MAOA: variants seen among roughly 807,000 people sequenced by gnomAD.
MAOA encodes amine oxidase [flavin-containing] A.
In MAOA, 6 loss-of-function variants were observed where a neutral mutation model predicts 42.0. That is an observed-to-expected ratio of 0.14 (90% CI 0.08 to 0.28). MAOA has a LOEUF of 0.28. Ranked by LOEUF, MAOA falls within the 10% of genes least tolerant of loss-of-function variation. The pLI is 1.00. For synonymous variants in MAOA, 140 were observed against 154.0 expected, an observed-to-expected ratio of 0.91 and a Z score of 0.67; for missense variants, 262 against 422.3, an observed-to-expected ratio of 0.62 and a Z score of 3.33.
chrX:43,681,261 A>G (rs1191598056), intron 1 of MAOA, among the ~76,000 whole-genome samples: 2 of 111,632 alleles, frequency 1.8e-5, no homozygotes, highest in Non-Finnish European at 3.8e-5. Context: ...AGACCTTTTC[A>G]TTGTACAAAA....
chrX:43,681,404 A>G lies in MAOA; in HGVS notation c.74-2109A>G, dbSNP rs191412844. Reference sequence around the variant, plus strand: ...ATCTGAATTTCTTTATCTCCATGCTAAAAAACCTGCTTCTCAGCAACTCAA... The same window carrying G: ...ATCTGAATTTCTTTATCTCCATGCTGAAAAACCTGCTTCTCAGCAACTCAA... On this transcript the variant is annotated intron_variant, in intron 1 of 14. Coordinates refer to ENST00000338702, the MANE Select transcript of MAOA (RefSeq NM_000240.4). Among the ~76,000 whole-genome samples, 353 of 111,495 alleles carry G rather than the reference A, an allele frequency of 3.2e-3. 1 individual carries two copies. Among genetic ancestry groups the G allele is most frequent in the Middle Eastern group, 0.014 (3 of 218 alleles).
At chrX:43,674,913 C>T (rs1484508003) in intron 1 of MAOA, among the ~76,000 whole-genome samples, 3 of 110,727 alleles carry the variant, frequency 2.7e-5, no homozygotes, top group African/African-American at 9.8e-5. Context: ...GTGAATCTGA[C>T]AATTATGTGT....
chrX:43,712,893 GA>G, intron 5 of MAOA, 97 bp downstream of exon 5: 1 of 598,836 alleles, frequency 1.7e-6, no homozygotes. Context: ...ACAACTTACA[GA>G]AAAAAAGAGG....
chrX:43,736,398 C>G, intron 10 of MAOA, 118 bp downstream of exon 10: 1 of 454,465 alleles, frequency 2.2e-6, no homozygotes. Context: ...TCTCAAAATT[C>G]CAACAAACCA....
Position 43,746,554 on chromosome X carries a change from A to G in MAOA, c.*2041A>G, listed in dbSNP as rs2034000126. ...GCTGAGTCAGCCCCACTCCACAGTTAGGCCAAGAATTAGATTTTAAAACTT... is the reference window on the plus strand; with the variant it reads ...GCTGAGTCAGCCCCACTCCACAGTTGGGCCAAGAATTAGATTTTAAAACTT... On this transcript the variant is annotated 3_prime_UTR_variant, in exon 15 of 15. Transcript: ENST00000338702. The G allele has an allele frequency of 8.9e-6, 1 of 112,135 alleles. No individual in the cohort carries two copies. 9.2% of individuals were successfully genotyped at this position (112,135 alleles called of 1,213,427 possible).
At chrX:43,669,254 CAA>C (rs764727562) in intron 1 of MAOA, among the ~76,000 whole-genome samples, 82 of 80,442 alleles carry the variant, frequency 1.0e-3, no homozygotes, top group African/African-American at 3.3e-3. Flanking sequence ...ACTAAAAATA[CAA>C]AAAAAAAAAA....
chrX:43,657,084 CTGTG>C (rs10560402), intron 1 of MAOA, among the ~76,000 whole-genome samples: 4,699 of 71,167 alleles, frequency 0.066, 293 homozygotes, highest in African/African-American at 0.14. Context: ...TAAACTATTC[CTGTG>C]TGTGTGTGTG....
chrX:43,744,368 A>G lies in MAOA; in HGVS notation c.1439A>G (p.Asp480Gly). 1 of 1,210,937 alleles carries G rather than the reference A, an allele frequency of 8.3e-7. No homozygotes were observed. Among genetic ancestry groups the G allele is most frequent in the African/African-American group, 1.7e-5 (1 of 57,581 alleles). Residue 480 changes from aspartate (D) to glycine (G), a missense_variant and splice_region_variant, in exon 15 of 15, where the codon GAC becomes GGC. Around this residue, in one of 3 missense-constraint regions of MAOA, gnomAD observed 35 missense variants for 36.4 expected, o/e 0.96. Coordinates refer to ENST00000338702, the MANE Select transcript of MAOA (RefSeq NM_000240.4). ...DIWVQEPESK[D>G]VPAVEITHTF... ...CATGATCTGTGTTCCTTCATCTAGG[A>G]CGTTCCAGCGGTAGAAATCACCCAC...
intron 13 of MAOA, 46 bp downstream of exon 13, chrX:43,743,951 GT>G (rs2033979783): frequency 1.7e-6 from 2 of 1,170,256 alleles, no homozygotes; most frequent in South Asian, 1.9e-5. Context: ...TCACGGCAAC[GT>G]TTTTGGCATC....
At chrX:43,718,562 C>T (rs781255333) in intron 5 of MAOA, among the ~76,000 whole-genome samples, 33 of 101,555 alleles carry the variant, frequency 3.2e-4, no homozygotes, top group African/African-American at 7.3e-5. Context: ...GGTTGCATGG[C>T]GTGGCAGGAT....
At chrX:43,670,363 G>C (rs1249106225) in intron 1 of MAOA, among the ~76,000 whole-genome samples, 1 of 111,604 alleles carries the variant, frequency 9.0e-6, no homozygotes, top group East Asian at 2.8e-4. Flanking sequence ...TTTTTAAACT[G>C]TGAATGCCTT....
intron 10 of MAOA, among the ~76,000 whole-genome samples, chrX:43,737,571 G>T (rs781306701): frequency 1.4e-4 from 16 of 111,361 alleles, no homozygotes; most frequent in Non-Finnish European, 2.5e-4. Flanking sequence ...AAGTGATGAA[G>T]GTGGTATCCT....
chrX:43,677,802 C>A (rs1407834659), intron 1 of MAOA, among the ~76,000 whole-genome samples: 1 of 111,637 alleles, frequency 9.0e-6, no homozygotes, highest in Non-Finnish European at 1.9e-5. Flanking sequence ...TAGAAAACCA[C>A]AGGATACTCA....
chrX:43,689,720 T>TC (rs1405512492), intron 2 of MAOA, among the ~76,000 whole-genome samples: 1 of 112,080 alleles, frequency 8.9e-6, no homozygotes, highest in African/African-American at 3.2e-5. Flanking sequence ...GTATCTTTGT[T>TC]CACTGTCCAT....
At chrX:43,740,763 C>A in intron 11 of MAOA, 25 bp downstream of exon 11, 4 of 1,166,460 alleles carry the variant, frequency 3.4e-6, no homozygotes, top group Non-Finnish European at 4.6e-6. Flanking sequence ...GCTTTAATCC[C>A]TAGCAGGTTC....
chrX:43,670,285 T>C (rs941817479), intron 1 of MAOA, among the ~76,000 whole-genome samples: 4 of 111,559 alleles, frequency 3.6e-5, no homozygotes, highest in Non-Finnish European at 7.5e-5. Flanking sequence ...GGAGAATAAA[T>C]CCAGAGCCTG....
intron 3 of MAOA, 133 bp from the exon 4 acceptor site, chrX:43,711,739 A>G: frequency 2.0e-6 from 1 of 510,233 alleles, no homozygotes; most frequent in Non-Finnish European, 3.5e-6. Context: ...CATCAAAGGT[A>G]ATGTTTCTGA....
intron 3 of MAOA, among the ~76,000 whole-genome samples, chrX:43,708,241 C>G (rs903964870): frequency 9.0e-6 from 1 of 111,430 alleles, no homozygotes; most frequent in African/African-American, 3.3e-5. Context: ...TTGACCATTA[C>G]ACTAGATTTT....
intron 12 of MAOA, among the ~76,000 whole-genome samples, chrX:43,743,062 G>A (rs780875399): frequency 2.7e-5 from 3 of 110,761 alleles, no homozygotes; most frequent in Admixed American, 9.6e-5. Context: ...GAGTGCCAAC[G>A]GGTTGAGATG....
Sources: allele counts gnomAD v4.1 joint callset (sites outside exome capture counted in the v4.1 genomes callset), GRCh38; gene constraint gnomAD v4.1.1; regional missense constraint gnomAD v4.1.1; transcripts MANE v1.5; gene names NCBI Gene and HGNC (gene_info 2026-07-23, HGNC 2026-07-21).